COL28A1: variants seen among roughly 807,000 people sequenced by gnomAD.
COL28A1 encodes collagen alpha-1(XXVIII) chain.
A neutral mutation model predicts 150.2 loss-of-function variants in COL28A1; 161 were observed. That is an observed-to-expected ratio of 1.07 (90% confidence interval 0.94 to 1.22). The LOEUF (loss-of-function observed/expected upper bound fraction) is 1.22. COL28A1 is among the 50% of genes most tolerant of loss of function. COL28A1 has a pLI of 0.00. For missense variants in COL28A1, 1,617 were observed against 1,388.3 expected, an observed-to-expected ratio of 1.16 and a Z score of -2.62; for synonymous variants, 552 against 469.7, an observed-to-expected ratio of 1.18 and a Z score of -2.26.
intron 25 of COL28A1, among the ~76,000 whole-genome samples, chr7:7,428,906 G>A (rs1784786274): frequency 6.6e-6 from 1 of 152,210 alleles, no homozygotes; most frequent in African/African-American, 2.4e-5. Flanking sequence ...AACCACTGAT[G>A]TTGCAGGGAA....
At position 7,440,881 on chromosome 7, in the gene COL28A1, A is replaced by G. The variant is rs1221901619; in HGVS notation, c.1651-20T>C. 2 of 1,312,864 alleles carry G rather than the reference A, an allele frequency of 1.5e-6. No homozygotes were observed. The highest frequency in any genetic ancestry group is 3.4e-5 in the Admixed American group (2 of 59,316). The allele number at this position is 1,312,864 out of a possible 1,614,324, so 81.3% of individuals were successfully genotyped here. On this transcript the variant is annotated intron_variant, in intron 20 of 34. Transcript: ENST00000399429. ...GTCACCCTAACAAAATAATTATGAA[A>G]ATATAGATTTTCGTATGGTATTAGC... is the stretch of plus-strand genomic sequence containing the variant.
intron 27 of COL28A1, among the ~76,000 whole-genome samples, chr7:7,395,883 A>C (rs976719472): frequency 2.6e-5 from 4 of 152,126 alleles, no homozygotes; most frequent in African/African-American, 9.7e-5. Context: ...GGAACTGTAC[A>C]TTTTGAAAGT....
chr7:7,477,201 TGAG>T (rs777730924), intron 13 of COL28A1, 21 bp from the exon 14 acceptor site: 83 of 947,568 alleles, frequency 8.8e-5, no homozygotes, highest in South Asian at 1.4e-4. Flanking sequence ...TAGGAGAAAA[TGAG>T]GAGCAGGAGG....
chr7:7,389,121 T>C (rs1232756979), intron 27 of COL28A1, among the ~76,000 whole-genome samples: 1 of 152,182 alleles, frequency 6.6e-6, no homozygotes, highest in African/African-American at 2.4e-5. Context: ...GGGTTTTTTT[T>C]TAAGGTTTTA....
intron 32 of COL28A1, among the ~76,000 whole-genome samples, chr7:7,371,123 G>T (rs1430457756): frequency 2.0e-5 from 3 of 152,174 alleles, no homozygotes; most frequent in Non-Finnish European, 4.4e-5. Context: ...AAGTGTCTCT[G>T]TTCAACGTGA....
At chr7:7,375,753 C>T (rs1781506532) in intron 30 of COL28A1, among the ~76,000 whole-genome samples, 1 of 152,178 alleles carries the variant, frequency 6.6e-6, no homozygotes, top group Admixed American at 6.5e-5. Flanking sequence ...GCTGTGTGAC[C>T]TCGGGCATTT....
intron 13 of COL28A1, among the ~76,000 whole-genome samples, chr7:7,484,891 G>A (rs1018444094): frequency 6.6e-6 from 1 of 152,104 alleles, no homozygotes; most frequent in East Asian, 1.9e-4. Flanking sequence ...TCCAAATACT[G>A]CATGTTCTTA....
the COL28A1 span, among the ~76,000 whole-genome samples, chr7:7,542,214 G>T: frequency 6.6e-6 from 1 of 152,160 alleles, no homozygotes; most frequent in African/African-American, 2.4e-5. Flanking sequence ...TGGGCGTGGT[G>T]GTGCATGCCT....
chr7:7,424,308 T>C (rs1426741420), intron 25 of COL28A1, among the ~76,000 whole-genome samples: 2 of 152,184 alleles, frequency 1.3e-5, no homozygotes, highest in African/African-American at 2.4e-5. Context: ...AAATGATCTT[T>C]TGTGGTTCCA....
chr7:7,370,714 C>G lies in COL28A1; in HGVS notation c.3066+11G>C. The G allele has an allele frequency of 1.9e-6, 3 of 1,600,446 alleles. No homozygotes were observed. The South Asian group carries it at 3.4e-5, about 18-fold the overall frequency. On this transcript the variant is annotated intron_variant, in intron 33 of 34. Transcript: ENST00000399429. ...TTTTAAGCTCACAAAGTAAGTGAGACAGTTACTTACTGACTCAGAAATTTC... is the reference window on the plus strand; with the variant it reads ...TTTTAAGCTCACAAAGTAAGTGAGAGAGTTACTTACTGACTCAGAAATTTC...
chr7:7,456,878 CA>C (rs1205856670), intron 15 of COL28A1, among the ~76,000 whole-genome samples: 7 of 152,120 alleles, frequency 4.6e-5, no homozygotes, highest in Non-Finnish European at 2.9e-5. Context: ...AAAAATTAAT[CA>C]GGGAAGAGAA....
the COL28A1 span, among the ~76,000 whole-genome samples, chr7:7,351,038 A>G: frequency 6.6e-6 from 1 of 152,144 alleles, no homozygotes; most frequent in Non-Finnish European, 1.5e-5. Context: ...CTGACTATGT[A>G]ATTTCTCAGT....
the COL28A1 span, among the ~76,000 whole-genome samples, chr7:7,345,573 CTTTT>C: frequency 6.6e-6 from 1 of 151,730 alleles, no homozygotes; most frequent in Non-Finnish European, 1.5e-5. Context: ...TTTTTTGTGT[CTTTT>C]TTTAAAATCT....
intron 27 of COL28A1, among the ~76,000 whole-genome samples, chr7:7,411,278 C>G (rs1363715985): frequency 5.3e-5 from 8 of 152,134 alleles, no homozygotes. Context: ...AGCACAGAGT[C>G]AAGAATCTTA....
At chr7:7,428,674 C>T (rs1784773720) in intron 25 of COL28A1, among the ~76,000 whole-genome samples, 1 of 152,170 alleles carries the variant, frequency 6.6e-6, no homozygotes, top group African/African-American at 2.4e-5. Context: ...CATCAACGAG[C>T]CAGGAGATTG....
intron 6 of COL28A1, 132 bp from the exon 7 acceptor site, chr7:7,517,969 T>A (rs1305451287): frequency 1.6e-6 from 2 of 1,281,622 alleles, no homozygotes; most frequent in African/African-American, 3.1e-5. Context: ...CGTTGACATT[T>A]TCACTATGCA....
chr7:7,406,909 T>C (rs2128301985), intron 27 of COL28A1, among the ~76,000 whole-genome samples: 1 of 152,204 alleles, frequency 6.6e-6, no homozygotes, highest in Non-Finnish European at 1.5e-5. Flanking sequence ...CCTTAGAAGC[T>C]TTTTAAGCAA....
chr7:7,387,272 T>C (rs1366929903), intron 27 of COL28A1, among the ~76,000 whole-genome samples: 1 of 152,178 alleles, frequency 6.6e-6, no homozygotes, highest in East Asian at 1.9e-4. Context: ...GACCATTAGA[T>C]GCCTCCTCGT....
intron 11 of COL28A1, among the ~76,000 whole-genome samples, chr7:7,505,361 C>T (rs998792529): frequency 6.6e-6 from 1 of 152,090 alleles, no homozygotes; most frequent in African/African-American, 2.4e-5. Context: ...ATTTACTAAG[C>T]TTTGAGAAGA....
Sources: allele counts gnomAD v4.1 joint callset (sites outside exome capture counted in the v4.1 genomes callset), GRCh38; gene constraint gnomAD v4.1.1; transcripts MANE v1.5; gene names NCBI Gene and HGNC (gene_info 2026-07-23, HGNC 2026-07-21).